The following GOLIM4 variants were observed in gnomAD, a reference collection of about 807,000 sequenced individuals.
GOLIM4 encodes the protein golgi integral membrane protein 4.
Under a neutral mutation model 107.4 loss-of-function variants are expected in GOLIM4, and 71 were observed. That is an observed-to-expected ratio of 0.66 (90% CI 0.55 to 0.81). The LOEUF (loss-of-function observed/expected upper bound fraction) is 0.81. Ranked by LOEUF, GOLIM4 falls within the 30% of genes least tolerant of loss-of-function variation. The pLI, the probability that GOLIM4 is intolerant of heterozygous loss-of-function variation, is 0.00. For missense variants in GOLIM4, 830 were observed against 826.1 expected, an observed-to-expected ratio of 1.00 and a Z score of -0.06; for synonymous variants, 327 against 294.8, an observed-to-expected ratio of 1.11 and a Z score of -1.12.
chr3:168,017,866 A>G (rs996647142), intron 14 of GOLIM4, among the ~76,000 whole-genome samples: 32 of 152,220 alleles, frequency 2.1e-4, no homozygotes, highest in African/African-American at 7.2e-4. Context: ...TTCTGTTTTA[A>G]GTAGTTTTCA....
At position 168,029,982 on chromosome 3, in the gene GOLIM4, A is replaced by C. The variant is rs754167418; in HGVS notation, c.1231T>G (p.Leu411Val). Residue 411 changes from leucine to valine, a missense_variant, in exon 10 of 16, where the codon TTG (leucine) becomes GTG (valine). By Grantham distance (32) the Leu-to-Val change is conservative. Transcript: ENST00000470487. The stretch of plus-strand genomic sequence containing the variant: ...TGCACTGCCAGTCTCTGCTGTTCCA[A>C]CTGTTCCTCATAGGGTGATTGGAAT... ...IKFQSPYEEQLEQQRLAVQQV... is the reference protein window; with the variant it reads ...IKFQSPYEEQVEQQRLAVQQV... 6.8e-6 allele frequency: 11 copies of C among 1,613,960 alleles called. No homozygotes were observed. The highest frequency in any genetic ancestry group is 3.3e-4 in the Middle Eastern group (2 of 6,062).
intron 1 of GOLIM4, among the ~76,000 whole-genome samples, chr3:168,075,299 T>TG (rs1323266780): frequency 4.4e-5 from 6 of 135,732 alleles, no homozygotes; most frequent in African/African-American, 1.7e-4. Flanking sequence ...TTTTTTTTTT[T>TG]TTTTTTTTTT....
Position 168,039,101 on chromosome 3 carries a change from T to C in GOLIM4, c.684+1685A>G, listed in dbSNP as rs138516031. Among the ~76,000 whole-genome samples the C allele has an allele frequency of 3.7e-3, 557 of 152,088 alleles. 4 individuals are homozygous for C. The highest frequency in any genetic ancestry group is 0.012 in the African/African-American group (508 of 41,488). ...AGTTTATAAGACACCCAGTCTAGGG[T>C]GTTTTGTTATAGCAGCCCAAAGTAA... On this transcript the variant is annotated intron_variant, in intron 7 of 15. Transcript: ENST00000470487.
intron 1 of GOLIM4, among the ~76,000 whole-genome samples, chr3:168,057,139 A>G (rs1484106566): frequency 6.6e-6 from 1 of 152,142 alleles, no homozygotes. Flanking sequence ...GATGGTTTTA[A>G]AAAAAGGAGT....
At chr3:168,042,416 G>C (rs1719066965) in intron 5 of GOLIM4, among the ~76,000 whole-genome samples, 1 of 152,176 alleles carries the variant, frequency 6.6e-6, no homozygotes, top group Admixed American at 6.5e-5. Context: ...GAATGGCTGA[G>C]ATTACAGGCA....
At chr3:168,084,957 T>TAA (rs879791386) in intron 1 of GOLIM4, among the ~76,000 whole-genome samples, 73 of 145,790 alleles carry the variant, frequency 5.0e-4, no homozygotes, top group African/African-American at 1.8e-3. Flanking sequence ...ACATGGAAAT[T>TAA]AAAAAAAAAA....
intron 1 of GOLIM4, among the ~76,000 whole-genome samples, chr3:168,077,395 T>C (rs1444186771): frequency 6.6e-6 from 1 of 152,160 alleles, no homozygotes; most frequent in African/African-American, 2.4e-5. Context: ...CTGAAGAGCA[T>C]CTCCAGGTAA....
intron 14 of GOLIM4, among the ~76,000 whole-genome samples, chr3:168,017,594 G>T (rs997596484): frequency 2.0e-5 from 3 of 152,340 alleles, no homozygotes; most frequent in African/African-American, 7.2e-5. Flanking sequence ...GGCAGGAACT[G>T]CCTGTCTTAT....
chr3:168,061,150 A>G (rs1287071981), intron 1 of GOLIM4, among the ~76,000 whole-genome samples: 2 of 152,096 alleles, frequency 1.3e-5, no homozygotes, highest in Non-Finnish European at 2.9e-5. Context: ...AGAAGCAAAA[A>G]AAAAAAATGG....
At chr3:168,070,661 T>C (rs993242690) in intron 1 of GOLIM4, among the ~76,000 whole-genome samples, 9 of 152,340 alleles carry the variant, frequency 5.9e-5, no homozygotes, top group Non-Finnish European at 1.2e-4. Flanking sequence ...GCCAATGGTT[T>C]CAACCCATGG....
At chr3:168,024,824 G>A in intron 13 of GOLIM4, 104 bp downstream of exon 13, 1 of 1,208,696 alleles carries the variant, frequency 8.3e-7, no homozygotes, top group Non-Finnish European at 1.2e-6. Context: ...CCACCGAAGT[G>A]GCAAACCTTC....
At chr3:168,016,875 C>T (rs1267193182) in intron 14 of GOLIM4, among the ~76,000 whole-genome samples, 2 of 140,064 alleles carry the variant, frequency 1.4e-5, no homozygotes, top group African/African-American at 6.6e-5. Context: ...GGGAATATTA[C>T]ACTCTGGGGA....
At chr3:168,032,929 T>A in intron 8 of GOLIM4, 77 bp from the exon 9 acceptor site, 1 of 1,100,480 alleles carries the variant, frequency 9.1e-7, no homozygotes, top group Non-Finnish European at 1.3e-6. Flanking sequence ...TTTCCATGTC[T>A]ATGGGGCATG....
intron 14 of GOLIM4, among the ~76,000 whole-genome samples, chr3:168,022,871 GT>G (rs931765710): frequency 2.6e-5 from 4 of 152,198 alleles, no homozygotes; most frequent in Non-Finnish European, 5.9e-5. Flanking sequence ...AAGAGGAAGA[GT>G]CCTGTCAGTC....
chr3:168,095,503 A>C lies in GOLIM4; in HGVS notation c.-218T>G. On this transcript the variant is annotated 5_prime_UTR_variant, in exon 1 of 16. Transcript: ENST00000470487. ...ACGCCGCCCGGGCAGCTGCAGCCAA[A>C]CTTCTGCGAGGCTCGTTCTCCGCGA... is the stretch of plus-strand genomic sequence containing the variant. 2.0e-6 allele frequency: 1 copy of C among 506,850 alleles called. No individual in the cohort carries two copies. The highest frequency in any genetic ancestry group is 3.5e-6 in the Non-Finnish European group (1 of 289,184). 31.4% of individuals were successfully genotyped at this position (506,850 alleles called of 1,614,324 possible). A position where few individuals can be genotyped will look rare whatever the true frequency, so the allele number is the denominator to read the frequency against.
At position 168,095,178 on chromosome 3, in the gene GOLIM4, C is replaced by T; in HGVS notation, c.108G>A (p.Leu36=). The T allele has an allele frequency of 2.5e-6, 4 of 1,613,262 alleles. No homozygotes were observed. The highest frequency in any genetic ancestry group is 1.1e-5 in the South Asian group (1 of 91,062). ...FLYGAMLYYE[L]QTQLRKAEAV... ...CCTCGGCTTTCCGCAGCTGCGTCTG[C>T]AGCTCGTAGTAGAGCATCGCGCCGT... Residue 36 remains leucine, a synonymous_variant, in exon 1 of 16, where the codon CTG becomes CTA. Coordinates refer to ENST00000470487, the MANE Select transcript of GOLIM4 (RefSeq NM_014498.5).
chr3:168,052,186 T>C (rs1471477220), intron 1 of GOLIM4, among the ~76,000 whole-genome samples: 4 of 152,154 alleles, frequency 2.6e-5, no homozygotes, highest in East Asian at 1.9e-4. Context: ...AGTTCATATA[T>C]ATCAAGTGCT....
In GOLIM4 at chr3:168,008,747, T is replaced by G. The variant is rs1482562794; in HGVS notation, c.*1522A>C. On this transcript the variant is annotated 3_prime_UTR_variant, in exon 16 of 16. Coordinates refer to ENST00000470487, the MANE Select transcript of GOLIM4 (RefSeq NM_014498.5). ...TTTCAGTATGGTTCAAATAATTAAA[T>G]ACTGCAACTGGGACATTAAAAATAC... The G allele has an allele frequency of 4.6e-5, 7 of 152,128 alleles. No individual in the cohort carries two copies. Among genetic ancestry groups the G allele is most frequent in the Non-Finnish European group, 7.4e-5 (5 of 67,996 alleles). 9.4% of individuals were successfully genotyped at this position (152,128 alleles called of 1,614,324 possible).
intron 1 of GOLIM4, among the ~76,000 whole-genome samples, chr3:168,064,512 C>T: frequency 6.6e-6 from 1 of 151,956 alleles, no homozygotes; most frequent in Non-Finnish European, 1.5e-5. Context: ...TGACTTACAC[C>T]AATATATGCA....
Sources: gnomAD v4.1 joint callset for allele counts (sites outside exome capture counted in the v4.1 genomes callset) on GRCh38, gnomAD v4.1.1 for gene constraint, MANE v1.5 for transcripts, NCBI Gene and HGNC (gene_info 2026-07-23, HGNC 2026-07-21) for gene names.